ARRDC5: variants seen among roughly 807,000 people sequenced by gnomAD.
The protein encoded by ARRDC5 is arrestin domain containing 5.
A neutral mutation model predicts 13.3 loss-of-function variants in ARRDC5; 12 were observed. That is an observed-to-expected ratio of 0.90 (90% CI 0.58 to 1.46). The LOEUF (loss-of-function observed/expected upper bound fraction) is 1.46, where lower values mean the gene tolerates loss of function less well. Among genes scored for constraint, ARRDC5 ranks in the 40% most tolerant of loss-of-function variants. The pLI is 0.00. For missense variants in ARRDC5, 406 were observed against 418.7 expected (o/e 0.97, Z 0.26); for synonymous variants, 181 against 173.4 (o/e 1.04, Z -0.34).
the ARRDC5 span, chr19:4,909,449 C>T: frequency 1.5e-5 from 10 of 654,686 alleles, no homozygotes; most frequent in Middle Eastern, 4.7e-4. Context: ...CCCGGCACGG[C>T]CTCCTGCGGC....
At chr19:4,910,954 C>T in the ARRDC5 span, 1 of 1,613,632 alleles carries the variant, frequency 6.2e-7, no homozygotes, top group Non-Finnish European at 8.5e-7. Context: ...CCAGGCTGAC[C>T]AAGGTGGAGG....
rs748983966 is a variant in ARRDC5 at position 4,902,805 on chromosome 19, G to T, written c.21C>A (p.Ile7=). Residue 7 remains isoleucine (I), a synonymous_variant, in exon 1 of 3, where the codon ATC becomes ATA. Transcript: ENST00000650722. Reference sequence around the variant, plus strand: ...TTCTATCCTCGGGCAGCACTAATTCGATCGACTTCACCACAGACATGGGGG... The same window carrying T: ...TTCTATCCTCGGGCAGCACTAATTCTATCGACTTCACCACAGACATGGGGG... MSVVKS[I]ELVLPEDRIY... is the part of the protein sequence containing the mutation. 4 of 1,613,718 alleles carry T rather than the reference G, an allele frequency of 2.5e-6. No individual in the cohort carries two copies. Among genetic ancestry groups the T allele is most frequent in the South Asian group, 1.1e-5 (1 of 91,068 alleles).
the ARRDC5 span, among the ~76,000 whole-genome samples, chr19:4,908,034 C>G: frequency 6.6e-6 from 1 of 152,152 alleles, no homozygotes; most frequent in East Asian, 1.9e-4. Context: ...ATTGTAAAGC[C>G]TGCTTCCACT....
the ARRDC5 span, chr19:4,909,357 C>A: frequency 1.3e-5 from 8 of 607,248 alleles, no homozygotes; most frequent in Non-Finnish European, 2.3e-5. Context: ...GCGGAGGCGC[C>A]GTGGACAGAG....
At chr19:4,898,139 C>T (rs556559719) in intron 1 of ARRDC5, among the ~76,000 whole-genome samples, 3 of 152,018 alleles carry the variant, frequency 2.0e-5, no homozygotes, top group Non-Finnish European at 2.9e-5. Context: ...AGAAAACTTT[C>T]GCCCTCATAG....
At chr19:4,892,855 C>T (rs2031557122) in intron 2 of ARRDC5, among the ~76,000 whole-genome samples, 1 of 151,468 alleles carries the variant, frequency 6.6e-6, no homozygotes, top group Non-Finnish European at 1.5e-5. Context: ...CAGGCGCTCC[C>T]AGCATTTCAG....
upstream of ARRDC5, among the ~76,000 whole-genome samples, chr19:4,905,932 G>A (rs890210559): frequency 3.3e-5 from 5 of 152,244 alleles, 1 homozygote; most frequent in Admixed American, 2.0e-4. Context: ...TTTCTGAGAC[G>A]CCTGGAATAG....
chr19:4,896,355 T>A (rs1333124001), intron 2 of ARRDC5, among the ~76,000 whole-genome samples: 7 of 104,048 alleles, frequency 6.7e-5, no homozygotes, highest in African/African-American at 2.9e-4. Flanking sequence ...TATATTTTTT[T>A]TTTTTTACAC....
the ARRDC5 span, among the ~76,000 whole-genome samples, chr19:4,914,043 G>A: frequency 2.8e-3 from 423 of 151,888 alleles, 5 homozygotes; most frequent in African/African-American, 9.8e-3. Context: ...TCGAACTCCC[G>A]ACCTCAGGTG....
chr19:4,890,779 A>T lies in ARRDC5; in HGVS notation c.*267T>A, dbSNP rs2031473712. On this transcript the variant is annotated 3_prime_UTR_variant, in exon 3 of 3. Transcript: ENST00000650722. The stretch of plus-strand genomic sequence containing the variant: ...CCTGGTCTTGGCACTGTGAGACCCC[A>T]GTAGGCTGGGGCAGACTCAGGGTGG... 2 of 421,154 alleles carry T rather than the reference A, an allele frequency of 4.7e-6. No homozygotes were observed. Among genetic ancestry groups the T allele is most frequent in the Admixed American group, 8.4e-5 (2 of 23,804 alleles). 26.1% of individuals were successfully genotyped at this position (421,154 alleles called of 1,614,324 possible). A position where few individuals can be genotyped will look rare whatever the true frequency, so the allele number is the denominator to read the frequency against.
chr19:4,914,689 CAA>C, the ARRDC5 span, among the ~76,000 whole-genome samples: 1 of 148,926 alleles, frequency 6.7e-6, no homozygotes. Flanking sequence ...ATCAAAATAA[CAA>C]TAGCTGTCTT....
chr19:4,899,110 C>G (rs1295098393), intron 1 of ARRDC5, among the ~76,000 whole-genome samples: 24 of 148,144 alleles, frequency 1.6e-4, no homozygotes, highest in Admixed American at 1.6e-3. Context: ...GAGATCGAGA[C>G]CATCCTGGCA....
the ARRDC5 span, among the ~76,000 whole-genome samples, chr19:4,915,758 C>T: frequency 1.3e-5 from 2 of 152,008 alleles, no homozygotes; most frequent in Non-Finnish European, 2.9e-5. Context: ...GAGGTGCAGG[C>T]CAGAATTGTC....
intron 2 of ARRDC5, among the ~76,000 whole-genome samples, chr19:4,894,029 C>T (rs1176601964): frequency 4.5e-5 from 6 of 133,158 alleles, no homozygotes; most frequent in Non-Finnish European, 9.3e-5. Flanking sequence ...GCCTGGGCGA[C>T]AGAGCAAGAC....
chr19:4,891,045 C>T lies in ARRDC5; in HGVS notation c.*1G>A. The T allele has an allele frequency of 3.1e-6, 5 of 1,606,882 alleles. No homozygotes were observed. Among genetic ancestry groups the T allele is most frequent in the Middle Eastern group, 3.3e-4 (2 of 5,996 alleles). ...CTTTTAATATTTAAAAGTTCGGGCA[C>T]TTAATTCTGGTGATCTGGGTTCACG... On this transcript the variant is annotated 3_prime_UTR_variant, in exon 3 of 3. Transcript: ENST00000650722.
Position 4,890,516 on chromosome 19 carries a change from C to CT in ARRDC5, c.*529dup, listed in dbSNP as rs1022206416. The CT allele has an allele frequency of 6.5e-6, 1 of 153,882 alleles. No homozygotes were observed. Among genetic ancestry groups the CT allele is most frequent in the African/African-American group, 2.4e-5 (1 of 41,230 alleles). 9.5% of individuals were successfully genotyped at this position (153,882 alleles called of 1,614,324 possible). ...CAAGTGATCCTCCAGCCATGGCCTC[C>CT]TAAAGTCCTGGGATTACAGGAATGA... On this transcript the variant is annotated 3_prime_UTR_variant, in exon 3 of 3. Coordinates refer to ENST00000650722, the MANE Select transcript of ARRDC5 (RefSeq NM_001080523.3).
chr19:4,891,945 ACTCCGT>A (rs2146239923), intron 2 of ARRDC5, among the ~76,000 whole-genome samples: 1 of 95,790 alleles, frequency 1.0e-5, no homozygotes, highest in African/African-American at 5.3e-5. Flanking sequence ...ACAGAGCAAA[ACTCCGT>A]CTCAAAAAAA....
At chr19:4,912,774 C>G in the ARRDC5 span, among the ~76,000 whole-genome samples, 5 of 152,020 alleles carry the variant, frequency 3.3e-5, no homozygotes, top group African/African-American at 1.2e-4. Flanking sequence ...TGTTGTTGTT[C>G]CTATTTGAGA....
At position 4,891,158 on chromosome 19, in the gene ARRDC5, G is replaced by C. The variant is rs374124848; in HGVS notation, c.875C>G (p.Thr292Ser). 1.2e-6 allele frequency: 2 copies of C among 1,613,902 alleles called. No homozygotes were observed. The highest frequency in any genetic ancestry group is 2.7e-5 in the African/African-American group (2 of 74,940). ...VTTVHLPWSL[T>S]SLKAKVPIII... ...GATGGGAACTTTGGCCTTGAGGCTG[G>C]TCAGGGACCAGGGCAGGTGCACGGT... The change falls in exon 3 of 3, where the codon ACC (threonine) becomes AGC (serine). Residue 292 changes from threonine (T) to serine (S), a missense_variant. Thr to Ser is a moderately conservative substitution (Grantham distance 58). Coordinates refer to ENST00000650722, the MANE Select transcript of ARRDC5 (RefSeq NM_001080523.3).
Sources: allele counts gnomAD v4.1 joint callset (sites outside exome capture counted in the v4.1 genomes callset), GRCh38; gene constraint gnomAD v4.1.1; transcripts MANE v1.5; gene names NCBI Gene and HGNC (gene_info 2026-07-23, HGNC 2026-07-21).